Variants in KANK1 observed in about 807,000 individuals in gnomAD.
The protein encoded by KANK1 is KN motif and ankyrin repeat domain-containing protein 1.
In KANK1, 109 loss-of-function variants were observed where a neutral mutation model predicts 106.2. The ratio of observed to expected loss-of-function variants is 1.03; its 90% CI spans 0.88 to 1.20. KANK1 has a LOEUF of 1.20. KANK1 is among the 50% of genes most tolerant of loss of function. The probability of loss-of-function intolerance (pLI) is 0.00; values close to 1 mark genes in which losing one functional copy is unlikely to be tolerated. For missense variants in KANK1, 2,399 were observed against 1,710.7 expected (o/e 1.40, Z -7.10); for synonymous variants, 873 against 652.2 (o/e 1.34, Z -5.16).
intron 3 of KANK1, 83 bp downstream of exon 3, chr9:713,547 C>T: frequency 7.0e-7 from 1 of 1,427,672 alleles, no homozygotes; most frequent in Non-Finnish European, 9.4e-7. Flanking sequence ...TTTTTAACTG[C>T]TGGAACCATT....
intron 1 of KANK1, among the ~76,000 whole-genome samples, chr9:613,152 G>C (rs1830968485): frequency 6.6e-6 from 1 of 151,888 alleles, no homozygotes. Context: ...CCAGTAATTT[G>C]GCTCCATGCT....
At chr9:675,284 T>C (rs1193947815) in intron 1 of KANK1, among the ~76,000 whole-genome samples, 1 of 152,178 alleles carries the variant, frequency 6.6e-6, no homozygotes, top group Middle Eastern at 3.2e-3. Context: ...ATACAGATAT[T>C]ATTTTGGCAT....
intron 1 of KANK1, among the ~76,000 whole-genome samples, chr9:659,699 A>G (rs1373724914): frequency 6.6e-6 from 1 of 151,910 alleles, no homozygotes; most frequent in Non-Finnish European, 1.5e-5. Context: ...AGCAGGAGAA[A>G]AAGAGGGAAG....
chr9:492,063 A>C (rs1372108865), intron 3 of KANK1: 1 of 152,248 alleles, frequency 6.6e-6, no homozygotes, highest in Admixed American at 6.5e-5. Context: ...GTGTGAAAAC[A>C]GACTAATGCA....
intron 1 of KANK1, among the ~76,000 whole-genome samples, chr9:587,477 A>T (rs1823783379): frequency 1.3e-5 from 2 of 152,196 alleles, no homozygotes; most frequent in South Asian, 4.1e-4. Flanking sequence ...AAATGGAGAT[A>T]CTCAATTTAT....
At chr9:668,434 A>G (rs1448715133) in intron 1 of KANK1, among the ~76,000 whole-genome samples, 1 of 152,034 alleles carries the variant, frequency 6.6e-6, no homozygotes, top group Non-Finnish European at 1.5e-5. Flanking sequence ...AATCAGTTCT[A>G]AGATTTCTGT....
intron 2 of KANK1, among the ~76,000 whole-genome samples, chr9:691,349 G>A (rs1020779471): frequency 7.9e-5 from 12 of 150,980 alleles, no homozygotes; most frequent in African/African-American, 2.2e-4. Context: ...TACTTTATTC[G>A]TTTAACTTTT....
intron 1 of KANK1, among the ~76,000 whole-genome samples, chr9:666,215 A>T (rs1844535163): frequency 6.6e-6 from 1 of 152,062 alleles, no homozygotes; most frequent in South Asian, 2.1e-4. Context: ...GGTATTTTAC[A>T]TTCTGTGTAG....
At chr9:504,685 G>A (rs1244240919), upstream of KANK1, 1 of 148,232 alleles carries the variant, frequency 6.7e-6, no homozygotes, top group Non-Finnish European at 1.5e-5. Flanking sequence ...CCTGCGCCCC[G>A]CCCTTCCCCG....
At chr9:627,435 G>A (rs559166795) in intron 1 of KANK1, among the ~76,000 whole-genome samples, 52 of 152,166 alleles carry the variant, frequency 3.4e-4, no homozygotes, top group Non-Finnish European at 5.7e-4. Context: ...TTGTGCCCAG[G>A]AGAGGACCTT....
In KANK1 at chr9:655,286, G is replaced by A. The variant is rs140317998; in HGVS notation, c.-83-21604G>A. ...CTCGGGAGGCTGAGGCAGGAGAATC[G>A]CTTGAACCCGGGAGGCAGAGGTTGC... On this transcript the variant is annotated intron_variant, in intron 1 of 11. Coordinates refer to ENST00000382297, the MANE Select transcript of KANK1 (RefSeq NM_015158.5). 6.7e-3 allele frequency among the ~76,000 whole-genome samples: 1,014 copies of A among 151,172 alleles called. 18 individuals are homozygous for A. The highest frequency in any genetic ancestry group is 0.023 in the African/African-American group (951 of 41,052).
intron 1 of KANK1, among the ~76,000 whole-genome samples, chr9:551,343 T>G (rs1465964574): frequency 2.6e-5 from 4 of 152,004 alleles, no homozygotes; most frequent in Non-Finnish European, 4.4e-5. Flanking sequence ...TCTACTAGTT[T>G]GCTTGGTTTT....
At chr9:695,761 A>C (rs1448332516) in intron 2 of KANK1, among the ~76,000 whole-genome samples, 1 of 152,138 alleles carries the variant, frequency 6.6e-6, no homozygotes, top group Non-Finnish European at 1.5e-5. Context: ...ACACTGATGC[A>C]GGTACTATTA....
intron 1 of KANK1, among the ~76,000 whole-genome samples, chr9:632,498 A>C (rs1461917337): frequency 6.6e-6 from 1 of 152,226 alleles, no homozygotes; most frequent in African/African-American, 2.4e-5. Flanking sequence ...TAACTGGTGA[A>C]GATGGAGGTT....
chr9:537,403 T>C (rs2060355924), intron 1 of KANK1, among the ~76,000 whole-genome samples: 1 of 152,126 alleles, frequency 6.6e-6, no homozygotes, highest in Non-Finnish European at 1.5e-5. Flanking sequence ...AATAATTTGC[T>C]AGAAGATCAA....
intron 1 of KANK1, among the ~76,000 whole-genome samples, chr9:644,991 G>A (rs755416942): frequency 2.7e-5 from 4 of 150,238 alleles, no homozygotes; most frequent in Admixed American, 2.0e-4. Context: ...AGGAATGGCG[G>A]TGTGCACCTG....
chr9:520,684 T>C (rs562955427), intron 1 of KANK1, among the ~76,000 whole-genome samples: 2 of 152,020 alleles, frequency 1.3e-5, no homozygotes, highest in Non-Finnish European at 1.5e-5. Flanking sequence ...GGGTTTTATT[T>C]TGAAAAGATT....
At chr9:697,358 C>T (rs562157900) in intron 2 of KANK1, among the ~76,000 whole-genome samples, 2 of 152,220 alleles carry the variant, frequency 1.3e-5, no homozygotes, top group South Asian at 4.2e-4. Flanking sequence ...TCAGCTTTCT[C>T]ATCATAGAGT....
intron 1 of KANK1, among the ~76,000 whole-genome samples, chr9:626,823 A>G (rs186532531): frequency 8.5e-5 from 13 of 152,366 alleles, no homozygotes; most frequent in Non-Finnish European, 1.5e-4. Context: ...CTGTAATGAC[A>G]TGATGCTTTC....
Sources: gnomAD v4.1 joint callset for allele counts (sites outside exome capture counted in the v4.1 genomes callset) on GRCh38, gnomAD v4.1.1 for gene constraint, MANE v1.5 for transcripts, NCBI Gene and HGNC (gene_info 2026-07-23, HGNC 2026-07-21) for gene names.